The following SLC51A variants were observed in gnomAD, a reference collection of about 807,000 sequenced individuals.
SLC51A encodes the protein organic solute transporter subunit alpha.
SLC51A carries 22 observed loss-of-function variants against 34.8 expected under a neutral mutation model. That is an observed-to-expected ratio of 0.63 (90% confidence interval 0.45 to 0.90). The LOEUF is 0.90. Ranked by LOEUF, SLC51A falls within the 40% of genes least tolerant of loss-of-function variation. SLC51A has a pLI of 0.00. For synonymous variants in SLC51A, 181 were observed against 176.3 expected (o/e 1.03, Z -0.21); for missense variants, 371 against 414.8 (o/e 0.89, Z 0.92).
chr3:196,227,160 A>T (rs1723918480), intron 3 of SLC51A, 41 bp downstream of exon 3: 1 of 1,599,872 alleles, frequency 6.3e-7, no homozygotes, highest in Non-Finnish European at 8.5e-7. Flanking sequence ...AACTGAAAAG[A>T]AGGCAGAGAC....
chr3:196,227,101 G>A lies in SLC51A; in HGVS notation c.270G>A (p.Trp90Ter). ...LCPIKRRTLL[W>*]KSSAPTVVSV... ...CCATCAAGAGGCGGACTCTGCTCTGGAAGAGCTCGGCACCCACGGTGAGGC... is the reference window on the plus strand; with the variant it reads ...CCATCAAGAGGCGGACTCTGCTCTGAAAGAGCTCGGCACCCACGGTGAGGC... The change falls in exon 3 of 9, where the codon TGG becomes TGA. Residue 90 changes from tryptophan (W) to a stop codon, truncating the protein, a stop_gained. Transcript: ENST00000296327. LOFTEE classifies it high-confidence loss of function. 2 of 1,613,952 alleles carry A rather than the reference G, an allele frequency of 1.2e-6. No individual in the cohort carries two copies. The highest frequency in any genetic ancestry group is 1.7e-6 in the Non-Finnish European group (2 of 1,180,036).
chr3:196,218,589 A>C (rs1207756362), intron 2 of SLC51A, among the ~76,000 whole-genome samples: 1 of 152,200 alleles, frequency 6.6e-6, no homozygotes, highest in Non-Finnish European at 1.5e-5. Context: ...TTGTCCACTG[A>C]AGGGGAGGGT....
At chr3:196,231,461 C>T (rs1349483720) in intron 7 of SLC51A, among the ~76,000 whole-genome samples, 1 of 152,202 alleles carries the variant, frequency 6.6e-6, no homozygotes, top group East Asian at 1.9e-4. Context: ...ATAATGACTG[C>T]CCTACAGTTT....
intron 3 of SLC51A, chr3:196,227,404 T>G: frequency 1.7e-6 from 1 of 591,036 alleles, no homozygotes; most frequent in Non-Finnish European, 3.0e-6. Context: ...AAGAGCTTCC[T>G]TCAGTGGTTC....
chr3:196,233,018 C>T, intron 8 of SLC51A, 45 bp from the exon 9 acceptor site: 1 of 1,598,790 alleles, frequency 6.3e-7, no homozygotes, highest in Non-Finnish European at 8.5e-7. Context: ...AATACCACCT[C>T]TGTAACTCAG....
intron 3 of SLC51A, chr3:196,227,332 T>C: frequency 1.6e-6 from 1 of 606,654 alleles, no homozygotes; most frequent in Non-Finnish European, 2.9e-6. Flanking sequence ...CGGAGACAGC[T>C]GGAGATCTGC....
chr3:196,225,500 G>A (rs531207681), intron 2 of SLC51A, among the ~76,000 whole-genome samples: 12 of 152,204 alleles, frequency 7.9e-5, no homozygotes, highest in South Asian at 2.1e-4. Flanking sequence ...TGCTCACCCC[G>A]CAAGGCAACA....
In SLC51A at chr3:196,216,745, C is replaced by G; in HGVS notation, c.33C>G (p.Asp11Glu). The G allele has an allele frequency of 6.3e-7, 1 of 1,577,512 alleles. No homozygotes were observed. Among genetic ancestry groups the G allele is most frequent in the Non-Finnish European group, 8.6e-7 (1 of 1,161,468 alleles). ...CGGGCAGGACCCAGATAAAGCTTGA[C>G]CCCAGGTAAGTGAGGGCGGCGGGCC... MEPGRTQIKL[D>E]PRYTADLLEV... Residue 11 changes from aspartate to glutamate, a missense_variant, in exon 1 of 9, where the codon GAC (aspartate) becomes GAG (glutamate). Physicochemically the swap from Asp to Glu is conservative, Grantham distance 45. Coordinates refer to ENST00000296327, the MANE Select transcript of SLC51A (RefSeq NM_152672.6). The surrounding 1 kb of genome is among the most constrained non-coding windows in gnomAD (Gnocchi z 4.5).
chr3:196,218,422 C>A (rs1723653300), intron 2 of SLC51A, among the ~76,000 whole-genome samples: 1 of 152,218 alleles, frequency 6.6e-6, no homozygotes, highest in Non-Finnish European at 1.5e-5. Flanking sequence ...AAACCTTTGT[C>A]CTCACTGGAG....
rs760474293 is a variant in SLC51A, at chr3:196,232,436, T to C, written c.798T>C (p.Thr266=). The change falls in exon 8 of 9, where the codon ACT becomes ACC. Residue 266 remains threonine, a synonymous_variant. Transcript: ENST00000296327. ...TTCCGCAGGTTCTCCTCATCCTGAC[T>C]GCCCTACAGCCCTCCATCTTCTCAG... ...FALFQVLLIL[T]ALQPSIFSVL... 24 of 1,614,120 alleles carry C rather than the reference T, an allele frequency of 1.5e-5. No individual in the cohort carries two copies. The highest frequency in any genetic ancestry group is 1.9e-5 in the Non-Finnish European group (23 of 1,179,948).
chr3:196,226,785 A>G lies in SLC51A; in HGVS notation c.134-180A>G, dbSNP rs942132288. ...TGAGGCTCCGTCTTAAAAAAAAAAA[A>G]AAAAGAAAAAGAAAAAAAAAAGACT... On this transcript the variant is annotated intron_variant, in intron 2 of 8. Coordinates refer to ENST00000296327, the MANE Select transcript of SLC51A (RefSeq NM_152672.6). Among the ~76,000 whole-genome samples, 3 of 149,558 alleles carry G rather than the reference A, an allele frequency of 2.0e-5. 1 individual carries two copies. Among genetic ancestry groups the G allele is most frequent in the Non-Finnish European group, 3.0e-5 (2 of 67,464 alleles).
chr3:196,220,071 G>T (rs796625080), intron 2 of SLC51A, among the ~76,000 whole-genome samples: 6 of 152,368 alleles, frequency 3.9e-5, no homozygotes, highest in African/African-American at 1.4e-4. Context: ...CAGGCCCAGG[G>T]GAGCGAGGTC....
Position 196,223,378 on chromosome 3 carries a change from C to T in SLC51A, c.134-3587C>T, listed in dbSNP as rs76992230. Among the ~76,000 whole-genome samples the T allele has an allele frequency of 3.5e-3, 530 of 151,876 alleles. 22 individuals are homozygous for T. The East Asian group carries it at 0.096, about 28-fold the overall frequency. On this transcript the variant is annotated intron_variant, in intron 2 of 8. Transcript: ENST00000296327. The stretch of plus-strand genomic sequence containing the variant: ...GAGTGTGCACCACAAGGTGGAGAGC[C>T]GAGAATAAGCGAGTAAACAGCTGTG...
intron 7 of SLC51A, 126 bp from the exon 8 acceptor site, chr3:196,232,293 A>C: frequency 1.5e-6 from 1 of 661,332 alleles, no homozygotes. Context: ...ACCCTCTGTG[A>C]CTGCACAGAT....
chr3:196,228,732 G>A lies in SLC51A; in HGVS notation c.522-77G>A. 8.3e-7 allele frequency: 1 copy of A among 1,209,884 alleles called. No homozygotes were observed. Among genetic ancestry groups the A allele is most frequent in the Non-Finnish European group, 1.2e-6 (1 of 813,158 alleles). 74.9% of individuals were successfully genotyped at this position (1,209,884 alleles called of 1,614,324 possible). A position where few individuals can be genotyped will look rare whatever the true frequency, so the allele number is the denominator to read the frequency against. ...ACAGCAGCCGAGCCTCAGCCCAGGA[G>A]CCCTGTGAGGAGCCGGGGCGTCTTC... On this transcript the variant is annotated intron_variant, in intron 5 of 8. Coordinates refer to ENST00000296327, the MANE Select transcript of SLC51A (RefSeq NM_152672.6). The surrounding 1 kb of genome is among the most constrained non-coding windows in gnomAD (Gnocchi z 4.9).
In SLC51A at chr3:196,216,636, C is replaced by A; in HGVS notation, c.-77C>A. ...ACCCCGGCCCAGGCAAGCCACCCTG[C>A]CCCCGGCCCCCACCTGCCCGCCCCG... is the stretch of plus-strand genomic sequence containing the variant. On this transcript the variant is annotated 5_prime_UTR_variant, in exon 1 of 9. Transcript: ENST00000296327. The surrounding 1 kb of genome is among the most constrained non-coding windows in gnomAD (Gnocchi z 4.5). The A allele has an allele frequency of 7.0e-7, 1 of 1,422,586 alleles. No individual in the cohort carries two copies. The highest frequency in any genetic ancestry group is 9.7e-7 in the Non-Finnish European group (1 of 1,034,690). 88.1% of individuals were successfully genotyped at this position (1,422,586 alleles called of 1,614,324 possible).
At chr3:196,231,802 T>C (rs1056408481) in intron 7 of SLC51A, among the ~76,000 whole-genome samples, 1 of 152,264 alleles carries the variant, frequency 6.6e-6, no homozygotes, top group African/African-American at 2.4e-5. Flanking sequence ...CCAGGGCTTC[T>C]GGACAGTGAT....
At chr3:196,221,248 T>A (rs953954025) in intron 2 of SLC51A, among the ~76,000 whole-genome samples, 1 of 151,816 alleles carries the variant, frequency 6.6e-6, no homozygotes, top group African/African-American at 2.4e-5. Context: ...CGAAACCCTG[T>A]CTCAATTTAA....
In SLC51A at chr3:196,233,289, T is replaced by C. The variant is rs1184598614; in HGVS notation, c.*90T>C. On this transcript the variant is annotated 3_prime_UTR_variant, in exon 9 of 9. Transcript: ENST00000296327. ...CTCAACCTTGACCAAATGGGAAGCA[T>C]TCCCCCTTGTCAACACAAGCTGGCA... 57 of 1,419,916 alleles carry C rather than the reference T, an allele frequency of 4.0e-5. No homozygotes were observed. The highest frequency in any genetic ancestry group is 1.7e-5 in the Non-Finnish European group (18 of 1,040,280). 88.0% of individuals were successfully genotyped at this position (1,419,916 alleles called of 1,614,324 possible). A position where few individuals can be genotyped will look rare whatever the true frequency, so the allele number is the denominator to read the frequency against.
Sources: gnomAD v4.1 joint callset for allele counts (sites outside exome capture counted in the v4.1 genomes callset) on GRCh38, gnomAD v4.1.1 for gene constraint, Gnocchi (gnomAD v3.1) non-coding constraint, MANE v1.5 for transcripts, NCBI Gene and HGNC (gene_info 2026-07-23, HGNC 2026-07-21) for gene names.